Variants in TMEM108 observed in about 807,000 individuals in gnomAD.
The protein encoded by TMEM108 is cancer/testis antigen 124.
TMEM108 carries 12 observed loss-of-function variants against 35.1 expected under a neutral mutation model. That is an observed-to-expected ratio of 0.34 (90% CI 0.22 to 0.55). The LOEUF is 0.55. TMEM108 is among the 20% of genes least tolerant of loss of function. TMEM108 has a pLI of 0.89. For missense variants in TMEM108, 680 were observed against 753.3 expected, an observed-to-expected ratio of 0.90 and a Z score of 1.14; for synonymous variants, 287 against 308.6, an observed-to-expected ratio of 0.93 and a Z score of 0.73.
intron 5 of TMEM108, among the ~76,000 whole-genome samples, chr3:133,395,120 A>G (rs149176591): frequency 6.6e-6 from 1 of 152,356 alleles, no homozygotes; most frequent in East Asian, 1.9e-4. Flanking sequence ...CCAAAGCCAT[A>G]CAGATTACCT....
At chr3:133,099,309 G>C (rs920685523) in intron 2 of TMEM108, among the ~76,000 whole-genome samples, 13 of 152,176 alleles carry the variant, frequency 8.5e-5, no homozygotes, top group Non-Finnish European at 1.6e-4. Context: ...CGCAGCATGG[G>C]GACCCTGGGC....
At chr3:133,042,113 A>G (rs908309078) in intron 1 of TMEM108, among the ~76,000 whole-genome samples, 6 of 152,108 alleles carry the variant, frequency 3.9e-5, no homozygotes, top group African/African-American at 1.2e-4. Context: ...CCATCCACCT[A>G]TTTTGAAATA....
chr3:133,118,970 A>G (rs1202545670), intron 2 of TMEM108: 2 of 152,178 alleles, frequency 1.3e-5, no homozygotes, highest in Non-Finnish European at 2.9e-5. Flanking sequence ...AAATGAAGAC[A>G]CCTGCCTTTC....
At chr3:133,329,978 T>G (rs2071376270) in intron 3 of TMEM108, among the ~76,000 whole-genome samples, 1 of 152,146 alleles carries the variant, frequency 6.6e-6, no homozygotes, top group Admixed American at 6.5e-5. Context: ...CTCCAAGGAA[T>G]GAGTTTCCAC....
At chr3:133,204,136 T>TG (rs1206233204) in intron 2 of TMEM108, among the ~76,000 whole-genome samples, 9 of 152,154 alleles carry the variant, frequency 5.9e-5, no homozygotes, top group Non-Finnish European at 7.4e-5. Flanking sequence ...GGATCAGTGG[T>TG]GACTGATCCT....
intron 2 of TMEM108, among the ~76,000 whole-genome samples, chr3:133,100,839 C>T (rs1944077630): frequency 6.6e-6 from 1 of 152,010 alleles, no homozygotes. Context: ...AACCTGTAAC[C>T]CTACATTGTA....
intron 3 of TMEM108, among the ~76,000 whole-genome samples, chr3:133,280,968 C>T (rs928864816): frequency 2.6e-5 from 4 of 152,256 alleles, no homozygotes; most frequent in African/African-American, 7.2e-5. Context: ...AGCTTTCACA[C>T]TGTCACTTCT....
intron 2 of TMEM108, among the ~76,000 whole-genome samples, chr3:133,226,802 A>G (rs543719754): frequency 1.8e-4 from 28 of 152,360 alleles, no homozygotes; most frequent in East Asian, 1.7e-3. Context: ...TTTTCACACT[A>G]CTAATAAAGA....
At chr3:133,093,784 T>G (rs542311049) in intron 2 of TMEM108, among the ~76,000 whole-genome samples, 5 of 147,672 alleles carry the variant, frequency 3.4e-5, no homozygotes, top group African/African-American at 8.1e-5. Context: ...TGATATTTCA[T>G]TTTTACTGTT....
chr3:133,178,362 G>A (rs908298815), intron 2 of TMEM108, among the ~76,000 whole-genome samples: 4 of 152,106 alleles, frequency 2.6e-5, no homozygotes, highest in Non-Finnish European at 5.9e-5. Context: ...TCAATCCTAA[G>A]CCAAAAGAAC....
chr3:133,221,875 C>T (rs1945998101), intron 2 of TMEM108, among the ~76,000 whole-genome samples: 1 of 151,768 alleles, frequency 6.6e-6, no homozygotes, highest in African/African-American at 2.4e-5. Context: ...TATTGTGTAT[C>T]CTTCAACAAA....
chr3:133,387,929 A>G (rs901131913), intron 4 of TMEM108: 1 of 985,424 alleles, frequency 1.0e-6, no homozygotes, highest in Non-Finnish European at 1.2e-6. Context: ...AGGCACAAAT[A>G]TCTTTCTACC....
chr3:133,340,550 C>T (rs2071630988), intron 3 of TMEM108, among the ~76,000 whole-genome samples: 1 of 151,760 alleles, frequency 6.6e-6, no homozygotes, highest in Non-Finnish European at 1.5e-5. Context: ...GAGAATACTT[C>T]CGAACTCATT....
chr3:133,372,326 A>C (rs2072700310), intron 3 of TMEM108, among the ~76,000 whole-genome samples: 1 of 152,194 alleles, frequency 6.6e-6, no homozygotes, highest in Admixed American at 6.5e-5. Flanking sequence ...CATGGTGGTC[A>C]TTTTGACCTC....
intron 3 of TMEM108, among the ~76,000 whole-genome samples, chr3:133,275,030 A>T (rs1946820050): frequency 6.6e-6 from 1 of 152,242 alleles, no homozygotes; most frequent in African/African-American, 2.4e-5. Flanking sequence ...TACTCAATTA[A>T]ACTCTAAAAG....
At chr3:133,262,887 T>G (rs1576419706) in intron 3 of TMEM108, among the ~76,000 whole-genome samples, 1 of 152,166 alleles carries the variant, frequency 6.6e-6, no homozygotes, top group East Asian at 1.9e-4. Context: ...TTTCCAAATC[T>G]CTTGAGAATA....
chr3:133,136,627 G>C (rs1290211278), intron 2 of TMEM108, among the ~76,000 whole-genome samples: 2 of 152,174 alleles, frequency 1.3e-5, no homozygotes, highest in Non-Finnish European at 2.9e-5. Flanking sequence ...CAGGTGTGGT[G>C]TGTCAGCCTG....
chr3:133,147,469 C>T lies in TMEM108; in HGVS notation c.-46-81797C>T, dbSNP rs148191571. Among the ~76,000 whole-genome samples the T allele has an allele frequency of 1.4e-3, 211 of 152,264 alleles. 1 individual carries two copies. The highest frequency in any genetic ancestry group is 4.7e-3 in the African/African-American group (194 of 41,566). On this transcript the variant is annotated intron_variant, in intron 2 of 5. Transcript: ENST00000321871. ...GGTATCTCTTTGTGGTTTTGATTTG[C>T]ATTTCTCTAATGATTAGTAATGTTG...
chr3:133,296,707 G>T (rs1039319098), intron 3 of TMEM108, among the ~76,000 whole-genome samples: 4 of 152,122 alleles, frequency 2.6e-5, no homozygotes, highest in East Asian at 1.9e-4. Flanking sequence ...GGACAGGGGG[G>T]ACTTGGGGGC....
Sources: allele counts gnomAD v4.1 joint callset (sites outside exome capture counted in the v4.1 genomes callset), GRCh38; gene constraint gnomAD v4.1.1; transcripts MANE v1.5; gene names NCBI Gene and HGNC (gene_info 2026-07-23, HGNC 2026-07-21).